CARNMT1: variants seen among roughly 807,000 people sequenced by gnomAD.
The protein encoded by CARNMT1 is carnosine N-methyltransferase 1.
In CARNMT1, 28 loss-of-function variants were observed where a neutral mutation model predicts 49.6. The ratio of observed to expected loss-of-function variants is 0.56; its 90% confidence interval spans 0.42 to 0.77. CARNMT1 has a LOEUF of 0.77. Ranked by LOEUF, CARNMT1 falls within the 30% of genes least tolerant of loss-of-function variation. CARNMT1 has a pLI of 0.00. For synonymous variants in CARNMT1, 178 were observed against 175.0 expected, an observed-to-expected ratio of 1.02 and a Z score of -0.13; for missense variants, 421 against 512.6, an observed-to-expected ratio of 0.82 and a Z score of 1.73.
chr9:75,000,316 A>G (rs1249969656), intron 3 of CARNMT1, among the ~76,000 whole-genome samples: 8 of 152,220 alleles, frequency 5.3e-5, no homozygotes, highest in Non-Finnish European at 7.4e-5. Context: ...ATGTTAGATT[A>G]AACAGATGTA....
chr9:74,992,255 G>C (rs1833047221), intron 6 of CARNMT1, among the ~76,000 whole-genome samples: 2 of 151,352 alleles, frequency 1.3e-5, no homozygotes, highest in African/African-American at 4.9e-5. Flanking sequence ...CTGGGTGACA[G>C]AGTGAGACTC....
rs1832741553 is a variant in CARNMT1 at position 74,983,569 on chromosome 9, A to G, written c.*198T>C. On this transcript the variant is annotated 3_prime_UTR_variant, in exon 8 of 8. Transcript: ENST00000376834. ...CTCCATTTTTACTTGTGTAGTACAAATCTGCATGGCATAGTATATTTCTGA... is the reference window on the plus strand; with the variant it reads ...CTCCATTTTTACTTGTGTAGTACAAGTCTGCATGGCATAGTATATTTCTGA... The G allele has an allele frequency of 2.5e-6, 1 of 406,284 alleles. No individual in the cohort carries two copies. Among genetic ancestry groups the G allele is most frequent in the Non-Finnish European group, 4.4e-6 (1 of 225,072 alleles). 25.2% of individuals were successfully genotyped at this position (406,284 alleles called of 1,614,324 possible). A position where few individuals can be genotyped will look rare whatever the true frequency, so the allele number is the denominator to read the frequency against.
intron 6 of CARNMT1, among the ~76,000 whole-genome samples, chr9:74,990,445 A>G (rs183161031): frequency 2.3e-4 from 35 of 152,326 alleles, no homozygotes; most frequent in African/African-American, 8.4e-4. Flanking sequence ...TAAAGTTATC[A>G]GTATGAACTT....
intron 1 of CARNMT1, among the ~76,000 whole-genome samples, chr9:75,018,810 T>C (rs1477656095): frequency 6.6e-6 from 1 of 151,760 alleles, no homozygotes. Context: ...TCTACTAAAA[T>C]ATAAAAATTG....
intron 1 of CARNMT1, among the ~76,000 whole-genome samples, chr9:75,021,371 A>G (rs1002367589): frequency 4.1e-5 from 6 of 146,560 alleles, no homozygotes; most frequent in Non-Finnish European, 7.5e-5. Flanking sequence ...TATTATATAC[A>G]TAGTATATAT....
chr9:74,999,894 G>T (rs773353049), intron 3 of CARNMT1, 24 bp from the exon 4 acceptor site: 9 of 1,563,536 alleles, frequency 5.8e-6, no homozygotes, highest in Non-Finnish European at 7.8e-6. Flanking sequence ...AGGCAATTAT[G>T]TCCAACCCCT....
intron 3 of CARNMT1, among the ~76,000 whole-genome samples, chr9:75,004,507 C>T (rs1168538338): frequency 6.6e-6 from 1 of 152,194 alleles, no homozygotes; most frequent in African/African-American, 2.4e-5. Context: ...ATATGAAACA[C>T]ATACCTGTCT....
intron 3 of CARNMT1, among the ~76,000 whole-genome samples, chr9:75,004,077 G>A (rs1175862355): frequency 6.6e-6 from 1 of 152,184 alleles, no homozygotes; most frequent in Non-Finnish European, 1.5e-5. Flanking sequence ...GTTTCACCAT[G>A]TTAGCAAGGC....
intron 4 of CARNMT1, among the ~76,000 whole-genome samples, chr9:74,999,452 C>T (rs1436369316): frequency 2.0e-5 from 3 of 152,162 alleles, no homozygotes; most frequent in Admixed American, 6.5e-5. Flanking sequence ...CTGGTTCATA[C>T]TTAGTCCTGA....
chr9:74,995,371 C>T (rs966677394), intron 6 of CARNMT1, among the ~76,000 whole-genome samples: 2 of 152,130 alleles, frequency 1.3e-5, no homozygotes, highest in Admixed American at 6.5e-5. Context: ...TTATAAGGGA[C>T]CAACACAGTA....
chr9:75,001,347 G>C (rs1037123102), intron 3 of CARNMT1, among the ~76,000 whole-genome samples: 5 of 152,242 alleles, frequency 3.3e-5, no homozygotes, highest in African/African-American at 1.2e-4. Flanking sequence ...CTAACTTACA[G>C]AAAGTTAACT....
chr9:74,994,990 A>G (rs148671450), intron 6 of CARNMT1, among the ~76,000 whole-genome samples: 6 of 152,168 alleles, frequency 3.9e-5, no homozygotes, highest in African/African-American at 1.4e-4. Flanking sequence ...TCAGGAGCCA[A>G]CTTTATGTGC....
chr9:74,999,966 A>G (rs1486536018), intron 3 of CARNMT1, 96 bp from the exon 4 acceptor site: 1 of 1,132,186 alleles, frequency 8.8e-7, no homozygotes, highest in South Asian at 1.6e-5. Context: ...CATTTACTCA[A>G]TAAGAATAAG....
intron 7 of CARNMT1, among the ~76,000 whole-genome samples, chr9:74,984,444 A>G (rs1443838435): frequency 2.0e-5 from 3 of 152,164 alleles, no homozygotes; most frequent in African/African-American, 4.8e-5. Flanking sequence ...CCAAATCCTT[A>G]TAATTCTGAA....
intron 7 of CARNMT1, among the ~76,000 whole-genome samples, 153 bp from the exon 8 acceptor site, chr9:74,984,021 T>C (rs2118742476): frequency 6.6e-6 from 1 of 152,332 alleles, no homozygotes; most frequent in Admixed American, 6.5e-5. Context: ...CTATTAATAT[T>C]AGTAGTCTCA....
intron 6 of CARNMT1, among the ~76,000 whole-genome samples, chr9:74,990,834 G>A (rs138333147): frequency 3.0e-4 from 45 of 152,288 alleles, no homozygotes; most frequent in African/African-American, 1.1e-3. Context: ...CCAAATCTGT[G>A]ACAGGCGGAT....
At chr9:75,004,637 T>TA (rs1833451081) in intron 3 of CARNMT1, among the ~76,000 whole-genome samples, 1 of 152,216 alleles carries the variant, frequency 6.6e-6, no homozygotes, top group Non-Finnish European at 1.5e-5. Context: ...TTCTCCTAGC[T>TA]AAAAGAATCT....
intron 1 of CARNMT1, among the ~76,000 whole-genome samples, chr9:75,019,562 A>G (rs1243803475): frequency 6.6e-6 from 1 of 152,160 alleles, no homozygotes; most frequent in Non-Finnish European, 1.5e-5. Flanking sequence ...GAGGGCTGCT[A>G]CCTAGGAGGC....
intron 3 of CARNMT1, among the ~76,000 whole-genome samples, chr9:75,003,304 CA>C (rs1372691705): frequency 2.0e-5 from 3 of 152,212 alleles, no homozygotes; most frequent in African/African-American, 7.2e-5. Flanking sequence ...AATTCATTCA[CA>C]GTTCTATTAT....
Sources: gnomAD v4.1 joint callset for allele counts (sites outside exome capture counted in the v4.1 genomes callset) on GRCh38, gnomAD v4.1.1 for gene constraint, MANE v1.5 for transcripts, NCBI Gene and HGNC (gene_info 2026-07-23, HGNC 2026-07-21) for gene names.